Variants in DLGAP4 observed in about 807,000 individuals in gnomAD.
The protein encoded by DLGAP4 is disks large-associated protein 4.
Under a neutral mutation model 86.9 loss-of-function variants are expected in DLGAP4, and 18 were observed. The ratio of observed to expected loss-of-function variants is 0.21; its 90% CI spans 0.14 to 0.31. The LOEUF (loss-of-function observed/expected upper bound fraction) is 0.31, where lower values mean the gene tolerates loss of function less well. DLGAP4 is among the 10% of genes least tolerant of loss of function. The probability of loss-of-function intolerance (pLI) is 1.00; values close to 1 mark genes in which losing one functional copy is unlikely to be tolerated. For missense variants in DLGAP4, 1,085 were observed against 1,362.6 expected, an observed-to-expected ratio of 0.80 and a Z score of 3.21; for synonymous variants, 548 against 574.3, an observed-to-expected ratio of 0.95 and a Z score of 0.65.
At chr20:36,351,362 C>G (rs536790558) in intron 1 of DLGAP4, among the ~76,000 whole-genome samples, 1 of 152,298 alleles carries the variant, frequency 6.6e-6, no homozygotes, top group African/African-American at 2.4e-5. Context: ...TTAGATCCAC[C>G]TCCTGTTAGA....
intron 1 of DLGAP4, among the ~76,000 whole-genome samples, chr20:36,345,243 G>GC (rs1453297934): frequency 6.6e-6 from 1 of 152,182 alleles, no homozygotes; most frequent in Non-Finnish European, 1.5e-5. Flanking sequence ...TCAGAGAGGT[G>GC]CCCCCTGCAA....
At chr20:36,348,687 G>C (rs1555893217) in intron 1 of DLGAP4, among the ~76,000 whole-genome samples, 1 of 152,062 alleles carries the variant, frequency 6.6e-6, no homozygotes, top group East Asian at 1.9e-4. Context: ...AAAGTGCTGG[G>C]ATTACAGGTG....
At chr20:36,499,097 G>A in intron 8 of DLGAP4, 3 of 793,532 alleles carry the variant, frequency 3.8e-6, no homozygotes, top group Non-Finnish European at 4.0e-6. Context: ...CCAGGTTTCT[G>A]CCACAGGGTT....
chr20:36,359,811 C>T (rs1487656658), intron 1 of DLGAP4, among the ~76,000 whole-genome samples: 2 of 152,192 alleles, frequency 1.3e-5, no homozygotes, highest in Non-Finnish European at 2.9e-5. Flanking sequence ...CTTGGAGCCA[C>T]TGCCCAAGCT....
chr20:36,458,027 C>A (rs906700527), intron 7 of DLGAP4, among the ~76,000 whole-genome samples: 10 of 151,872 alleles, frequency 6.6e-5, no homozygotes, highest in Non-Finnish European at 1.3e-4. Flanking sequence ...GCAGGAGGTG[C>A]CTGACAGGCT....
intron 1 of DLGAP4, among the ~76,000 whole-genome samples, chr20:36,309,195 G>A (rs878996399): frequency 0.05 from 7,561 of 152,184 alleles, 549 homozygotes; most frequent in African/African-American, 0.16. Context: ...AGCCTTCCTC[G>A]ATGCCCAGGC....
chr20:36,342,636 G>C (rs556626129), intron 1 of DLGAP4, among the ~76,000 whole-genome samples: 118 of 152,352 alleles, frequency 7.7e-4, no homozygotes, highest in African/African-American at 2.7e-3. Flanking sequence ...ATGGGTCAAT[G>C]CAGGGCAGGG....
intron 2 of DLGAP4, among the ~76,000 whole-genome samples, chr20:36,408,967 G>A (rs574305483): frequency 2.6e-5 from 4 of 151,744 alleles, no homozygotes; most frequent in Non-Finnish European, 2.9e-5. Flanking sequence ...ACCAGGTGAG[G>A]GTTATACAAG....
intron 1 of DLGAP4, among the ~76,000 whole-genome samples, chr20:36,339,720 A>G (rs528788932): frequency 1.4e-4 from 22 of 152,298 alleles, no homozygotes; most frequent in African/African-American, 5.3e-4. Flanking sequence ...GGAGCAGGGG[A>G]ATGCGGGGCA....
intron 7 of DLGAP4, among the ~76,000 whole-genome samples, chr20:36,460,141 G>A (rs926507711): frequency 6.6e-6 from 1 of 152,180 alleles, no homozygotes; most frequent in Non-Finnish European, 1.5e-5. Flanking sequence ...TGCTGCCTTG[G>A]GTTGTCAGGG....
chr20:36,446,614 T>C lies in DLGAP4; in HGVS notation c.1408-83T>C, dbSNP rs1374058131. On this transcript the variant is annotated intron_variant, in intron 6 of 12. Coordinates refer to ENST00000339266, the MANE Select transcript of DLGAP4 (RefSeq NM_001365621.2). ...TCAGACCCCACAGACTGTCCAGCCC[T>C]GCCCTGAGCCCACCACCAAGAACCG... The C allele has an allele frequency of 2.2e-6, 3 of 1,371,186 alleles. No individual in the cohort carries two copies. The African/African-American group carries it at 4.3e-5, about 20-fold the overall frequency. 84.9% of individuals were successfully genotyped at this position (1,371,186 alleles called of 1,614,324 possible). A position where few individuals can be genotyped will look rare whatever the true frequency, so the allele number is the denominator to read the frequency against.
At position 36,510,995 on chromosome 20, in the gene DLGAP4, A is replaced by T. The variant is rs139452173; in HGVS notation, c.2512+10384A>T. On this transcript the variant is annotated intron_variant, in intron 10 of 12. Coordinates refer to ENST00000339266, the MANE Select transcript of DLGAP4 (RefSeq NM_001365621.2). The stretch of plus-strand genomic sequence containing the variant: ...TTCCAATATAAATTATAGAATTTGT[A>T]TATCAAGTTCCTCAGAAAAATTCTG... 9 of 152,352 alleles carry T rather than the reference A, an allele frequency of 5.9e-5. No homozygotes were observed. The East Asian group carries it at 1.2e-3, about 20-fold the overall frequency. 9.4% of individuals were successfully genotyped at this position (152,352 alleles called of 1,614,324 possible). A position where few individuals can be genotyped will look rare whatever the true frequency, so the allele number is the denominator to read the frequency against.
chr20:36,436,093 T>G lies in DLGAP4; in HGVS notation c.1000-16T>G. ...TTTCTGCGGTGGCCCCACTGAGTCC[T>G]GTGCCCCATCCCCAGGTGCCCGGCG... On this transcript the variant is annotated splice_polypyrimidine_tract_variant and intron_variant, in intron 3 of 12. Coordinates refer to ENST00000339266, the MANE Select transcript of DLGAP4 (RefSeq NM_001365621.2). 1 of 1,560,676 alleles carries G rather than the reference T, an allele frequency of 6.4e-7. No individual in the cohort carries two copies. Among genetic ancestry groups the G allele is most frequent in the Admixed American group, 1.8e-5 (1 of 55,634 alleles).
At chr20:36,329,130 G>C (rs1310827343) in intron 1 of DLGAP4, among the ~76,000 whole-genome samples, 4 of 152,118 alleles carry the variant, frequency 2.6e-5, no homozygotes, top group African/African-American at 9.7e-5. Flanking sequence ...GGCCGGTCTT[G>C]AACGCCTGAC....
chr20:36,514,106 T>C (rs1261620700), intron 10 of DLGAP4, among the ~76,000 whole-genome samples: 1 of 151,944 alleles, frequency 6.6e-6, no homozygotes, highest in African/African-American at 2.4e-5. Flanking sequence ...AAGGGAGGAA[T>C]AAACAGCAAG....
chr20:36,386,434 CAA>C (rs2032326260), intron 2 of DLGAP4, among the ~76,000 whole-genome samples: 1 of 125,154 alleles, frequency 8.0e-6, no homozygotes, highest in East Asian at 2.2e-4. Context: ...GAGGGAGAAA[CAA>C]AGAAGGAAAG....
chr20:36,475,970 G>A (rs894672449), intron 7 of DLGAP4, among the ~76,000 whole-genome samples: 3 of 150,308 alleles, frequency 2.0e-5, no homozygotes, highest in Non-Finnish European at 4.4e-5. Flanking sequence ...AGCAATTCTC[G>A]TGCCTCAGCC....
intron 10 of DLGAP4, among the ~76,000 whole-genome samples, chr20:36,503,518 C>T (rs1400734760): frequency 2.5e-5 from 3 of 119,696 alleles, no homozygotes; most frequent in Admixed American, 1.1e-4. Flanking sequence ...GACGGAGTCT[C>T]GCTCTGTCTT....
At chr20:36,324,567 A>G (rs1177021394) in intron 1 of DLGAP4, among the ~76,000 whole-genome samples, 7 of 152,210 alleles carry the variant, frequency 4.6e-5, no homozygotes, top group South Asian at 4.1e-4. Context: ...TGCTGGCACC[A>G]TTTGTTGAAA....
Sources: allele counts gnomAD v4.1 joint callset (sites outside exome capture counted in the v4.1 genomes callset), GRCh38; gene constraint gnomAD v4.1.1; transcripts MANE v1.5; gene names NCBI Gene and HGNC (gene_info 2026-07-23, HGNC 2026-07-21).